SLC12A5: variants seen among roughly 807,000 people sequenced by gnomAD.
SLC12A5 encodes solute carrier family 12 member 5.
Under a neutral mutation model 124.0 loss-of-function variants are expected in SLC12A5, and 18 were observed. The ratio of observed to expected loss-of-function variants is 0.15; its 90% CI spans 0.10 to 0.22. The LOEUF (loss-of-function observed/expected upper bound fraction) is 0.22. Ranked by LOEUF, SLC12A5 falls within the 10% of genes least tolerant of loss-of-function variation. The pLI is 1.00. For synonymous variants in SLC12A5, 589 were observed against 568.0 expected (o/e 1.04, Z -0.53); for missense variants, 867 against 1,478.7 (o/e 0.59, Z 6.78).
intron 8 of SLC12A5, among the ~76,000 whole-genome samples, chr20:46,042,750 G>A (rs956869890): frequency 1.3e-5 from 2 of 152,234 alleles, no homozygotes; most frequent in African/African-American, 4.8e-5. Context: ...AGTTGGGGAA[G>A]GGGAGAGGGA....
chr20:46,039,277 T>C (rs1190851380), intron 6 of SLC12A5, among the ~76,000 whole-genome samples: 4 of 151,890 alleles, frequency 2.6e-5, no homozygotes. Context: ...AAGAATAGAT[T>C]ATCCACATTT....
chr20:46,058,742 A>C lies in SLC12A5; in HGVS notation c.*1137A>C, dbSNP rs1024172216. ...GTTTCCTCCCTGGGACAAGTGAGGG[A>C]GGAGGGGGCCGATTCTGGTTTAGGG... On this transcript the variant is annotated 3_prime_UTR_variant, in exon 26 of 26. Coordinates refer to ENST00000243964, the MANE Select transcript of SLC12A5 (RefSeq NM_020708.5). The surrounding 1 kb of genome is among the most constrained non-coding windows in gnomAD (Gnocchi z 5.8). 18 of 398,652 alleles carry C rather than the reference A, an allele frequency of 4.5e-5. No individual in the cohort carries two copies. The highest frequency in any genetic ancestry group is 7.5e-5 in the Non-Finnish European group (17 of 226,054). 24.7% of individuals were successfully genotyped at this position (398,652 alleles called of 1,614,324 possible). A position where few individuals can be genotyped will look rare whatever the true frequency, so the allele number is the denominator to read the frequency against.
intron 13 of SLC12A5, 103 bp from the exon 14 acceptor site, chr20:46,046,235 C>T: frequency 9.1e-7 from 1 of 1,102,024 alleles, no homozygotes. Flanking sequence ...CTGGCCACCT[C>T]CTGACTTCCT....
chr20:46,041,796 T>C (rs972902856), intron 8 of SLC12A5, among the ~76,000 whole-genome samples: 2 of 152,210 alleles, frequency 1.3e-5, no homozygotes, highest in African/African-American at 4.8e-5. Flanking sequence ...CCCAGCATTG[T>C]GCTGAGTGCT....
At position 46,057,435 on chromosome 20, in the gene SLC12A5, G is replaced by A. The variant is rs1441574676; in HGVS notation, c.3260-79G>A. On this transcript the variant is annotated intron_variant, in intron 25 of 25. Coordinates refer to ENST00000243964, the MANE Select transcript of SLC12A5 (RefSeq NM_020708.5). This position sits in a 1 kb window ranked among gnomAD's most constrained non-coding sequence, Gnocchi z 7.1. ...CTCGGACAGGGACACGGGCGCGAGA[G>A]GTCCCCTGGCAGCCGAGCGCGACCC... is the stretch of plus-strand genomic sequence containing the variant. 8.1e-6 allele frequency: 13 copies of A among 1,600,980 alleles called. No homozygotes were observed. Among genetic ancestry groups the A allele is most frequent in the South Asian group, 1.1e-5 (1 of 90,802 alleles).
At chr20:46,041,300 C>T in intron 7 of SLC12A5, 29 bp from the exon 8 acceptor site, 2 of 1,608,450 alleles carry the variant, frequency 1.2e-6, no homozygotes, top group Non-Finnish European at 8.5e-7. Context: ...ATGTGGCTCC[C>T]CACCTTCCTC....
intron 1 of SLC12A5, among the ~76,000 whole-genome samples, chr20:46,032,023 C>A (rs2084455715): frequency 1.3e-5 from 2 of 152,236 alleles, no homozygotes; most frequent in Non-Finnish European, 1.5e-5. Flanking sequence ...GCCTGGCGTC[C>A]CGCCCAGGCA....
chr20:46,057,072 C>A lies in SLC12A5; in HGVS notation c.3126-98C>A. ...TTGGTGGTCCTAGGCTTGCAAGAAC[C>A]AGTCCCCAGCAGCCCAGTTCGGGCT... On this transcript the variant is annotated intron_variant, in intron 24 of 25. Transcript: ENST00000243964. The surrounding 1 kb of genome is among the most constrained non-coding windows in gnomAD (Gnocchi z 7.1). 6.3e-7 allele frequency: 1 copy of A among 1,594,430 alleles called. No homozygotes were observed. Among genetic ancestry groups the A allele is most frequent in the Non-Finnish European group, 8.6e-7 (1 of 1,165,564 alleles).
In SLC12A5 at chr20:46,035,498, C is replaced by T. The variant is rs76320421; in HGVS notation, c.242C>T (p.Ala81Val). Residue 81 changes from alanine (A) to valine (V), a missense_variant, in exon 3 of 26, where the codon GCA becomes GTA. Physicochemically the swap from Ala to Val is moderately conservative, Grantham distance 64. Coordinates refer to ENST00000243964, the MANE Select transcript of SLC12A5 (RefSeq NM_020708.5). ...CAGGGAAGTAGGGAGCATGAAGAGG[C>T]AGAAAACAATGAGGGTGGAAAAAAG... ...LPQGSREHEE[A>V]ENNEGGKKKP... 1.9e-6 allele frequency: 3 copies of T among 1,608,038 alleles called. No homozygotes were observed. Among genetic ancestry groups the T allele is most frequent in the Non-Finnish European group, 2.5e-6 (3 of 1,178,214 alleles).
rs748815928 is a variant in SLC12A5, at chr20:46,056,590, G to C, written c.3110+26G>C. The C allele has an allele frequency of 1.2e-6, 2 of 1,603,962 alleles. No homozygotes were observed. Among genetic ancestry groups the C allele is most frequent in the Admixed American group, 3.4e-5 (2 of 58,480 alleles). On this transcript the variant is annotated intron_variant, in intron 23 of 25. Transcript: ENST00000243964. This position sits in a 1 kb window ranked among gnomAD's most constrained non-coding sequence, Gnocchi z 4.3. The stretch of plus-strand genomic sequence containing the variant: ...GTACGGGCCTGGGGGCTAAGGGCTG[G>C]GGGCTGGGGTGAGCTAAAGGGTCTT...
intron 11 of SLC12A5, 188 bp from the exon 12 acceptor site, chr20:46,044,778 C>T (rs2084578817): frequency 6.0e-6 from 4 of 664,108 alleles, no homozygotes; most frequent in Non-Finnish European, 1.0e-5. Flanking sequence ...TTTTCAGTAT[C>T]AGGAAATTAG....
At chr20:46,029,507 C>A in intron 1 of SLC12A5, 111 bp downstream of exon 1, 1 of 1,220,008 alleles carries the variant, frequency 8.2e-7, no homozygotes, top group South Asian at 1.5e-5. Context: ...CTGGGACTGA[C>A]CCGGGCGGTG....
intron 16 of SLC12A5, among the ~76,000 whole-genome samples, chr20:46,048,626 T>A (rs1018525201): frequency 2.0e-5 from 3 of 151,724 alleles, no homozygotes; most frequent in African/African-American, 7.3e-5. Flanking sequence ...AACCCAACAG[T>A]TTGGGAGGCT....
rs2084595756 is a variant in SLC12A5, at chr20:46,046,417, C to T, written c.1768C>T (p.Arg590Cys). The T allele has an allele frequency of 6.2e-7, 1 of 1,614,128 alleles. No individual in the cohort carries two copies. Among genetic ancestry groups the T allele is most frequent in the Non-Finnish European group, 8.5e-7 (1 of 1,180,000 alleles). Residue 590 changes from arginine (R) to cysteine (C), a missense_variant, in exon 14 of 26, where the codon CGC becomes TGC. This residue lies in a region of SLC12A5 where 152 missense variants were observed against 358.7 expected (regional missense o/e 0.42). Coordinates refer to ENST00000243964, the MANE Select transcript of SLC12A5 (RefSeq NM_020708.5). ...GCTGAGGACACCCAACTGGAGGCCACGCTTTCGATATTACCACTGGTGGGT... is the reference window on the plus strand; with the variant it reads ...GCTGAGGACACCCAACTGGAGGCCATGCTTTCGATATTACCACTGGTGGGT... ...TLLRTPNWRP[R>C]FRYYHWTLSF...
intron 13 of SLC12A5, among the ~76,000 whole-genome samples, 167 bp from the exon 14 acceptor site, chr20:46,046,171 G>A (rs571202556): frequency 3.0e-4 from 46 of 152,230 alleles, no homozygotes; most frequent in Middle Eastern, 3.4e-3. Context: ...TGTTATTAGG[G>A]TGTGTTGTGA....
intron 18 of SLC12A5, 134 bp from the exon 19 acceptor site, chr20:46,052,823 C>A: frequency 1.1e-6 from 1 of 908,298 alleles, no homozygotes; most frequent in Non-Finnish European, 1.6e-6. Flanking sequence ...GTTTTCTGAC[C>A]ACTCAGCCCA....
At chr20:46,043,590 C>T in intron 9 of SLC12A5, 43 bp from the exon 10 acceptor site, 2 of 1,601,372 alleles carry the variant, frequency 1.2e-6, no homozygotes, top group Middle Eastern at 1.7e-4. Flanking sequence ...GTCTGGTCTC[C>T]TGTGGCCCTG....
chr20:46,022,781 A>C (rs573235185), intron 1 of SLC12A5: 1 of 398,854 alleles, frequency 2.5e-6, no homozygotes, highest in East Asian at 3.6e-5. Context: ...CACAGAGTAT[A>C]GGGGAGGGGA....
chr20:46,022,069 A>T, intron 1 of SLC12A5: 16 of 496,182 alleles, frequency 3.2e-5, no homozygotes, highest in East Asian at 9.8e-5. Context: ...CGGAACGCAA[A>T]GTGTGGAGGG....
Sources: gnomAD v4.1 joint callset for allele counts (sites outside exome capture counted in the v4.1 genomes callset) on GRCh38, gnomAD v4.1.1 for gene constraint, gnomAD v4.1.1 regional missense constraint, Gnocchi (gnomAD v3.1) non-coding constraint, MANE v1.5 for transcripts, NCBI Gene and HGNC (gene_info 2026-07-23, HGNC 2026-07-21) for gene names.